Variants in MTMR12 observed in about 807,000 individuals in gnomAD.
MTMR12 encodes the protein myotubularin-related protein 12.
Under a neutral mutation model 96.7 loss-of-function variants are expected in MTMR12, and 33 were observed. The ratio of observed to expected loss-of-function variants is 0.34; its 90% CI spans 0.26 to 0.46. The LOEUF is 0.46. Among genes scored for constraint, MTMR12 ranks in the 20% least tolerant of loss-of-function variants. The probability of loss-of-function intolerance (pLI) is 1.00; values close to 1 mark genes in which losing one functional copy is unlikely to be tolerated. For synonymous variants in MTMR12, 298 were observed against 327.2 expected (o/e 0.91, Z 0.96); for missense variants, 721 against 896.1 (o/e 0.80, Z 2.49).
chr5:32,293,512 G>A (rs1183044192), intron 1 of MTMR12, among the ~76,000 whole-genome samples: 1 of 152,032 alleles, frequency 6.6e-6, no homozygotes, highest in South Asian at 2.1e-4. Flanking sequence ...GCCTGTTGTG[G>A]GACCCTGTGA....
Position 32,233,661 on chromosome 5 carries a change from G to T in MTMR12, c.1674+112C>A, listed in dbSNP as rs1264386413. On this transcript the variant is annotated intron_variant, in intron 15 of 15. Transcript: ENST00000382142. This position sits in a 1 kb window ranked among gnomAD's most constrained non-coding sequence, Gnocchi z 5.0. ...GACCATCACAAGTCTCAACTCTGCA[G>T]ACTGCTTCGAGGGGTAGAAAATGCT... 7 of 1,440,756 alleles carry T rather than the reference G, an allele frequency of 4.9e-6. No individual in the cohort carries two copies. Among genetic ancestry groups the T allele is most frequent in the Non-Finnish European group, 5.8e-6 (6 of 1,043,418 alleles). 89.2% of individuals were successfully genotyped at this position (1,440,756 alleles called of 1,614,324 possible).
intron 8 of MTMR12, among the ~76,000 whole-genome samples, chr5:32,250,102 G>C (rs1229163054): frequency 1.3e-5 from 2 of 152,220 alleles, no homozygotes; most frequent in African/African-American, 4.8e-5. Flanking sequence ...AGATCGGCAT[G>C]ACAATCCAGG....
chr5:32,281,891 C>T (rs1442307162), intron 1 of MTMR12, among the ~76,000 whole-genome samples: 1 of 144,098 alleles, frequency 6.9e-6, no homozygotes, highest in Non-Finnish European at 1.5e-5. Context: ...CAGTGCGAGA[C>T]TCCGTCTCAA....
chr5:32,305,861 C>G (rs1236962329), intron 1 of MTMR12, among the ~76,000 whole-genome samples: 1 of 151,736 alleles, frequency 6.6e-6, no homozygotes, highest in African/African-American at 2.4e-5. Flanking sequence ...CGAGATTGCG[C>G]CATTGCACTC....
intron 1 of MTMR12, among the ~76,000 whole-genome samples, chr5:32,290,823 C>A (rs1403886219): frequency 6.6e-6 from 1 of 152,184 alleles, no homozygotes; most frequent in Non-Finnish European, 1.5e-5. Flanking sequence ...AAGGCCCTGC[C>A]ATCTTCTGCA....
In MTMR12 at chr5:32,242,135, G is replaced by T; in HGVS notation, c.1101-8C>A. The T allele has an allele frequency of 6.2e-7, 1 of 1,602,344 alleles. No homozygotes were observed. Among genetic ancestry groups the T allele is most frequent in the South Asian group, 1.1e-5 (1 of 90,412 alleles). Reference sequence around the variant, plus strand: ...GCTTTTTTCAGGCAACGTCTGAATAGGAAAGAGACAAGAAAAAGGGGCATT... The same window carrying T: ...GCTTTTTTCAGGCAACGTCTGAATATGAAAGAGACAAGAAAAAGGGGCATT... On this transcript the variant is annotated splice_polypyrimidine_tract_variant and splice_region_variant and intron_variant, in intron 11 of 15. Transcript: ENST00000382142.
chr5:32,307,743 A>C (rs1308409325), intron 1 of MTMR12, among the ~76,000 whole-genome samples: 2 of 152,188 alleles, frequency 1.3e-5, no homozygotes, highest in Non-Finnish European at 2.9e-5. Flanking sequence ...TCTGATCATG[A>C]GGAAAAAAAA....
At chr5:32,260,732 G>T (rs533305353) in intron 7 of MTMR12, among the ~76,000 whole-genome samples, 11 of 151,230 alleles carry the variant, frequency 7.3e-5, no homozygotes, top group Admixed American at 6.0e-4. Context: ...TGCAGGGCGG[G>T]GGGGAGGGGG....
At chr5:32,263,846 C>G (rs1358196893) in intron 6 of MTMR12, among the ~76,000 whole-genome samples, 1 of 152,182 alleles carries the variant, frequency 6.6e-6, no homozygotes, top group Non-Finnish European at 1.5e-5. Flanking sequence ...ACAAAAAGAT[C>G]ATGTGAAGCA....
chr5:32,234,026 C>A, intron 14 of MTMR12, 92 bp from the exon 15 acceptor site: 1 of 1,411,610 alleles, frequency 7.1e-7, no homozygotes, highest in Non-Finnish European at 9.8e-7. Context: ...GAAGCATGCT[C>A]CTGCTCTGCC....
At chr5:32,296,934 CTA>C (rs1307033427) in intron 1 of MTMR12, among the ~76,000 whole-genome samples, 10 of 151,992 alleles carry the variant, frequency 6.6e-5, no homozygotes, top group African/African-American at 2.4e-4. Flanking sequence ...AACCCCGTCT[CTA>C]CTAAAAAATA....
intron 14 of MTMR12, 90 bp from the exon 15 acceptor site, chr5:32,234,024 C>A: frequency 6.9e-7 from 1 of 1,442,034 alleles, no homozygotes; most frequent in South Asian, 1.2e-5. Flanking sequence ...AGGAAGCATG[C>A]TCCTGCTCTG....
intron 1 of MTMR12, among the ~76,000 whole-genome samples, chr5:32,302,198 G>A (rs1233338509): frequency 1.3e-5 from 2 of 152,162 alleles, no homozygotes; most frequent in East Asian, 3.8e-4. Flanking sequence ...GTACGAGAGG[G>A]AAAAGTGATG....
chr5:32,246,120 C>T (rs112302252), intron 10 of MTMR12, among the ~76,000 whole-genome samples: 2,687 of 151,458 alleles, frequency 0.018, 38 homozygotes, highest in Middle Eastern at 0.042. Context: ...GCTCTGCTCT[C>T]ATCTGAAGCT....
intron 7 of MTMR12, among the ~76,000 whole-genome samples, chr5:32,257,344 G>A (rs1026398837): frequency 1.3e-5 from 2 of 152,158 alleles, no homozygotes; most frequent in Admixed American, 6.5e-5. Context: ...TAATCCAAGA[G>A]AGGGTGAAGC....
chr5:32,254,801 G>C (rs2112037469), intron 8 of MTMR12, among the ~76,000 whole-genome samples: 1 of 152,170 alleles, frequency 6.6e-6, no homozygotes, highest in South Asian at 2.1e-4. Context: ...CAGAGATTGG[G>C]CCATTGCACT....
chr5:32,281,648 T>A (rs1750298835), intron 1 of MTMR12, among the ~76,000 whole-genome samples: 1 of 152,148 alleles, frequency 6.6e-6, no homozygotes, highest in South Asian at 2.1e-4. Flanking sequence ...ATGCCTGTAA[T>A]CCCAGCACTC....
rs116023638 is a variant in MTMR12 at position 32,264,767 on chromosome 5, A to T, written c.584-1525T>A. Among the ~76,000 whole-genome samples, 450 of 152,182 alleles carry T rather than the reference A, an allele frequency of 3.0e-3. 3 individuals carry two copies. The highest frequency in any genetic ancestry group is 0.011 in the African/African-American group (437 of 41,532). On this transcript the variant is annotated intron_variant, in intron 6 of 15. Transcript: ENST00000382142. The stretch of plus-strand genomic sequence containing the variant: ...CAACACCACACCCAGCCTATATTAC[A>T]TTTTATTAACTCAATCCTCACAACC...
chr5:32,302,720 T>C (rs1465335386), intron 1 of MTMR12, among the ~76,000 whole-genome samples: 1 of 137,586 alleles, frequency 7.3e-6, no homozygotes, highest in Non-Finnish European at 1.5e-5. Context: ...CAAGACTCCG[T>C]ATAAAAAAAA....
Sources: allele counts gnomAD v4.1 joint callset (sites outside exome capture counted in the v4.1 genomes callset), GRCh38; gene constraint gnomAD v4.1.1; non-coding constraint Gnocchi (gnomAD v3.1); transcripts MANE v1.5; gene names NCBI Gene and HGNC (gene_info 2026-07-23, HGNC 2026-07-21).